USP9X: variants seen among roughly 807,000 people sequenced by gnomAD.
USP9X encodes ubiquitin specific peptidase 9 X-linked.
USP9X carries 7 observed loss-of-function variants against 190.3 expected under a neutral mutation model. The ratio of observed to expected loss-of-function variants is 0.04; its 90% confidence interval spans 0.02 to 0.07. USP9X has a LOEUF of 0.07. USP9X is among the 10% of genes least tolerant of loss of function. The pLI, the probability that USP9X is intolerant of heterozygous loss-of-function variation, is 1.00. For missense variants in USP9X, 1,010 were observed against 1,916.9 expected (o/e 0.53, Z 8.83); for synonymous variants, 645 against 659.5 (o/e 0.98, Z 0.34).
intron 1 of USP9X, among the ~76,000 whole-genome samples, chrX:41,099,093 A>ATTTTTT (rs1569147006): frequency 2.1e-5 from 1 of 47,361 alleles, no homozygotes; most frequent in Admixed American, 3.2e-4. Context: ...TGCCCAGATA[A>ATTTTTT]TTGTTTTTTT....
intron 41 of USP9X, 62 bp from the exon 42 acceptor site, chrX:41,229,191 A>C: frequency 2.3e-6 from 2 of 878,292 alleles, no homozygotes; most frequent in Non-Finnish European, 3.1e-6. Flanking sequence ...CATAGTAGGC[A>C]CTCAGTATAT....
chrX:41,194,859 A>G (rs1247560871), intron 26 of USP9X, among the ~76,000 whole-genome samples: 1 of 110,940 alleles, frequency 9.0e-6, no homozygotes, highest in Non-Finnish European at 1.9e-5. Flanking sequence ...CACAGTTTTA[A>G]TTAAAGGTAG....
chrX:41,153,189 A>G (rs1267781793), intron 14 of USP9X, 108 bp downstream of exon 14: 11 of 832,874 alleles, frequency 1.3e-5, no homozygotes, highest in East Asian at 7.3e-5. Flanking sequence ...AAGATCCACT[A>G]TTACTCCCAA....
chrX:41,215,819 T>G, intron 34 of USP9X, 80 bp from the exon 35 acceptor site: 1 of 1,032,856 alleles, frequency 9.7e-7, no homozygotes, highest in Non-Finnish European at 1.3e-6. Flanking sequence ...TTAATATCAT[T>G]TAAAAGTTTG....
chrX:41,147,732 C>T (rs975683090), intron 11 of USP9X, among the ~76,000 whole-genome samples: 1 of 111,928 alleles, frequency 8.9e-6, no homozygotes, highest in Admixed American at 9.4e-5. Context: ...GGATTATAGG[C>T]GTGAGCCACC....
intron 34 of USP9X, 36 bp downstream of exon 34, chrX:41,214,745 A>T (rs762647607): frequency 7.8e-6 from 9 of 1,154,556 alleles, no homozygotes; most frequent in Non-Finnish European, 1.0e-5. Context: ...TTTTGATTAC[A>T]TTTAATGGAT....
intron 33 of USP9X, among the ~76,000 whole-genome samples, chrX:41,211,678 C>G (rs1246199713): frequency 9.5e-6 from 1 of 104,719 alleles, no homozygotes; most frequent in South Asian, 4.4e-4. Context: ...GTCAGCCCCC[C>G]ACCCGGCCAG....
At chrX:41,151,776 T>A (rs971922897) in intron 13 of USP9X, among the ~76,000 whole-genome samples, 4 of 112,038 alleles carry the variant, frequency 3.6e-5, no homozygotes, top group South Asian at 3.7e-4. Context: ...AGGCCAGGAG[T>A]TCGAGACCAG....
chrX:41,219,881 A>G (rs1480877143), intron 38 of USP9X, among the ~76,000 whole-genome samples: 1 of 111,353 alleles, frequency 9.0e-6, no homozygotes, highest in African/African-American at 3.3e-5. Context: ...GCTACTTGGG[A>G]GGCTGAGGTG....
rs753169380 is a variant in USP9X at position 41,167,677 on chromosome X, TGTTA to T, written c.2424+104_2424+107del. On this transcript the variant is annotated intron_variant, in intron 17 of 44. Coordinates refer to ENST00000378308, the MANE Select transcript of USP9X (RefSeq NM_001039591.3). ...AATATTATCTAAATGAATCTTGCCTTGTTAGTTGTCTTGAAGTGATTGGGTTATT... is the reference window on the plus strand; with the variant it reads ...AATATTATCTAAATGAATCTTGCCTTGTTGTCTTGAAGTGATTGGGTTATT... 8.5e-5 allele frequency: 51 copies of T among 603,067 alleles called. No homozygotes were observed. In the East Asian group the frequency reaches 1.3e-3, roughly 15 times the overall value. 49.7% of individuals were successfully genotyped at this position (603,067 alleles called of 1,213,427 possible). A position where few individuals can be genotyped will look rare whatever the true frequency, so the allele number is the denominator to read the frequency against.
intron 23 of USP9X, among the ~76,000 whole-genome samples, chrX:41,185,179 T>A (rs2062862492): frequency 8.9e-6 from 1 of 112,362 alleles, no homozygotes; most frequent in African/African-American, 3.2e-5. Context: ...CTAAGTAAAG[T>A]TTTATAAACA....
At position 41,148,578 on chromosome X, in the gene USP9X, A is replaced by G; in HGVS notation, c.1626+3A>G. The G allele has an allele frequency of 1.7e-6, 2 of 1,208,786 alleles. No individual in the cohort carries two copies. Among genetic ancestry groups the G allele is most frequent in the Non-Finnish European group, 2.2e-6 (2 of 893,196 alleles). ...TACTAGATTACAGTTGCTCCCAGGT[A>G]AGAGTGTACTGCTTTGCTCACTTTT... is the stretch of plus-strand genomic sequence containing the variant. On this transcript the variant is annotated splice_donor_region_variant and intron_variant, in intron 12 of 44. Transcript: ENST00000378308.
intron 1 of USP9X, among the ~76,000 whole-genome samples, chrX:41,117,178 A>G (rs368858508): frequency 1.8e-5 from 2 of 111,838 alleles, no homozygotes; most frequent in Admixed American, 1.9e-4. Context: ...TTGCTGATTG[A>G]GTGTCCTGTC....
intron 39 of USP9X, 24 bp downstream of exon 39, chrX:41,223,426 T>A: frequency 8.4e-7 from 1 of 1,196,405 alleles, no homozygotes; most frequent in Non-Finnish European, 1.1e-6. Context: ...CTCCATTCTT[T>A]ACACTAGTTT....
intron 1 of USP9X, among the ~76,000 whole-genome samples, chrX:41,116,266 A>T (rs1260212049): frequency 8.9e-6 from 1 of 112,569 alleles, no homozygotes; most frequent in Non-Finnish European, 1.9e-5. Flanking sequence ...AAAATTTCAC[A>T]CTGTGATTCA....
At chrX:41,117,881 G>A (rs2062162545) in intron 1 of USP9X, among the ~76,000 whole-genome samples, 4 of 108,180 alleles carry the variant, frequency 3.7e-5, no homozygotes, top group African/African-American at 1.0e-4. Context: ...TTTTTGAGAC[G>A]GAGTCTCACT....
Position 41,171,970 on chromosome X carries a change from T to A in USP9X, c.3148+12T>A, listed in dbSNP as rs2062730494. The A allele has an allele frequency of 8.3e-7, 1 of 1,208,923 alleles. No homozygotes were observed. Among genetic ancestry groups the A allele is most frequent in the Non-Finnish European group, 1.1e-6 (1 of 894,376 alleles). The stretch of plus-strand genomic sequence containing the variant: ...ACTTATGCCGCCAGGTAAGAATTTT[T>A]AAATGATGATCAAGTACTTGCTGGA... On this transcript the variant is annotated intron_variant, in intron 21 of 44. Coordinates refer to ENST00000378308, the MANE Select transcript of USP9X (RefSeq NM_001039591.3).
chrX:41,086,447 C>G (rs1315990720), intron 1 of USP9X, among the ~76,000 whole-genome samples: 3 of 112,447 alleles, frequency 2.7e-5, no homozygotes, highest in Non-Finnish European at 5.7e-5. Context: ...GGGCAGCCCC[C>G]CCGCCGTCCG....
intron 33 of USP9X, among the ~76,000 whole-genome samples, chrX:41,211,877 G>C (rs2091810627): frequency 8.9e-6 from 1 of 112,847 alleles, no homozygotes; most frequent in Admixed American, 9.2e-5. Flanking sequence ...GCCCCATCCG[G>C]GAGGTGAGGG....
Sources: gnomAD v4.1 joint callset for allele counts (sites outside exome capture counted in the v4.1 genomes callset) on GRCh38, gnomAD v4.1.1 for gene constraint, MANE v1.5 for transcripts, NCBI Gene and HGNC (gene_info 2026-07-23, HGNC 2026-07-21) for gene names.